TTC39C: variants seen among roughly 807,000 people sequenced by gnomAD.
The protein encoded by TTC39C is tetratricopeptide repeat protein 39C.
TTC39C carries 33 observed loss-of-function variants against 76.3 expected under a neutral mutation model. That is an observed-to-expected ratio of 0.43 (90% confidence interval 0.33 to 0.58). TTC39C has a LOEUF of 0.58. Ranked by LOEUF, TTC39C falls within the 20% of genes least tolerant of loss-of-function variation. TTC39C has a pLI of 0.04. For missense variants in TTC39C, 595 were observed against 701.4 expected (o/e 0.85, Z 1.71); for synonymous variants, 254 against 260.6 (o/e 0.97, Z 0.24).
intron 4 of TTC39C, among the ~76,000 whole-genome samples, chr18:24,070,941 T>G (rs2084232164): frequency 6.6e-6 from 1 of 152,152 alleles, no homozygotes; most frequent in African/African-American, 2.4e-5. Context: ...TTGTTTTTTG[T>G]TTTTTGAAAT....
At chr18:24,067,617 A>C (rs770928082) in intron 3 of TTC39C, among the ~76,000 whole-genome samples, 6 of 152,168 alleles carry the variant, frequency 3.9e-5, no homozygotes, top group Non-Finnish European at 8.8e-5. Flanking sequence ...CTAACGCCTG[A>C]TGACGTGAGG....
intron 4 of TTC39C, 62 bp downstream of exon 4, chr18:24,069,333 T>G (rs1276531808): frequency 1.4e-6 from 2 of 1,383,088 alleles, no homozygotes; most frequent in Admixed American, 3.5e-5. Context: ...AGTAATATGC[T>G]TTTTTAAGAA....
chr18:24,080,738 A>G lies in TTC39C; in HGVS notation c.614A>G (p.Glu205Gly). The G allele has an allele frequency of 3.1e-6, 5 of 1,614,134 alleles. No individual in the cohort carries two copies. The South Asian group carries it at 5.5e-5, about 18-fold the overall frequency. Reference protein sequence around the residue: ...DAANDNHIVAEGVSEESLNRL... With the variant: ...DAANDNHIVAGGVSEESLNRL... ...GCAAATGATAATCACATTGTGGCTG[A>G]AGGGGTGTCTGAGGAGTCTCTGAAC... Residue 205 changes from glutamate (E) to glycine (G), a missense_variant, in exon 5 of 14, where the codon GAA (glutamate) becomes GGA (glycine). Physicochemically the swap from Glu to Gly is moderately conservative, Grantham distance 98 (BLOSUM62 -2). Transcript: ENST00000317571.
chr18:24,126,463 G>A lies in TTC39C; in HGVS notation c.1420+913G>A, dbSNP rs542353654. ...AAAAAAAAAAAGGCCTTCCTCAAAT[G>A]TGAAAACAAAACATTGCCAATTGCC... On this transcript the variant is annotated intron_variant, in intron 10 of 13. Transcript: ENST00000317571. 3.7e-5 allele frequency among the ~76,000 whole-genome samples: 5 copies of A among 134,060 alleles called. No homozygotes were observed. In the South Asian group the frequency reaches 1.0e-3, roughly 27 times the overall value. The allele number at this position is 134,060 out of a possible 152,430, so 87.9% of individuals were successfully genotyped here.
chr18:24,046,667 A>G lies in TTC39C; in HGVS notation c.168-17473A>G, dbSNP rs539376647. On this transcript the variant is annotated intron_variant, in intron 1 of 13. Coordinates refer to ENST00000317571, the MANE Select transcript of TTC39C (RefSeq NM_001135993.2). Reference sequence around the variant, plus strand: ...AGTTATTCTTGTTTCTCAATACTGCATATCATACTACTATGAATGTTTTTG... The same window carrying G: ...AGTTATTCTTGTTTCTCAATACTGCGTATCATACTACTATGAATGTTTTTG... Among the ~76,000 whole-genome samples, 7 of 152,012 alleles carry G rather than the reference A, an allele frequency of 4.6e-5. No homozygotes were observed. The South Asian group carries it at 1.2e-3, about 27-fold the overall frequency.
chr18:24,079,055 C>T (rs2084342877), intron 4 of TTC39C, among the ~76,000 whole-genome samples: 1 of 152,102 alleles, frequency 6.6e-6, no homozygotes, highest in South Asian at 2.1e-4. Context: ...TTTAAAAATG[C>T]CGTTCTGAAA....
intron 1 of TTC39C, among the ~76,000 whole-genome samples, chr18:24,023,075 G>A (rs957341038): frequency 1.5e-4 from 23 of 152,248 alleles, no homozygotes; most frequent in African/African-American, 5.5e-4. Flanking sequence ...GAGTTATGTG[G>A]GGTCCAAGTT....
At chr18:24,081,002 T>G in intron 5 of TTC39C, 63 bp downstream of exon 5, 1 of 1,428,900 alleles carries the variant, frequency 7.0e-7, no homozygotes, top group Admixed American at 2.5e-5. Flanking sequence ...TAAACGACAA[T>G]CAAAGACTTT....
rs2085145288 is a variant in TTC39C, at chr18:24,132,574, A to G, written c.1752A>G (p.Ter584TrpextTer17). The G allele has an allele frequency of 7.4e-6, 12 of 1,612,684 alleles. No homozygotes were observed. The highest frequency in any genetic ancestry group is 9.3e-6 in the Non-Finnish European group (11 of 1,179,468). ...LASLRELVPQ[*>W] is the part of the protein sequence containing the mutation. ...CTCTGAGGGAATTGGTTCCTCAGTG[A>G]CAGACCCGGAACACCCGCTCCGTCC... Residue 584 changes from the stop codon to tryptophan, a stop_lost, in exon 14 of 14, where the codon TGA (stop) becomes TGG (tryptophan). Transcript: ENST00000317571.
intron 6 of TTC39C, among the ~76,000 whole-genome samples, chr18:24,108,692 T>G (rs977106431): frequency 3.3e-5 from 5 of 152,214 alleles, no homozygotes; most frequent in African/African-American, 1.2e-4. Context: ...GTGGAAAATG[T>G]CACCTGTAGT....
rs8085685 is a variant in TTC39C at position 24,046,577 on chromosome 18, C to T, written c.168-17563C>T. On this transcript the variant is annotated intron_variant, in intron 1 of 13. Coordinates refer to ENST00000317571, the MANE Select transcript of TTC39C (RefSeq NM_001135993.2). ...TTACCTTAGTTATGACTTTTTGTTA[C>T]AAAATAATATTTTGCTAGGTGAATA... 6.0e-3 allele frequency among the ~76,000 whole-genome samples: 918 copies of T among 151,904 alleles called. 25 individuals carry two copies. Among genetic ancestry groups the T allele is most frequent in the African/African-American group, 0.02 (841 of 41,216 alleles).
At chr18:24,019,759 G>A in intron 1 of TTC39C, 2 of 882,756 alleles carry the variant, frequency 2.3e-6, no homozygotes, top group East Asian at 2.9e-5. Context: ...TTGGTTATGT[G>A]TGGTCTGTGG....
chr18:24,035,253 G>A (rs1027605132), intron 1 of TTC39C, among the ~76,000 whole-genome samples: 8 of 152,084 alleles, frequency 5.3e-5, no homozygotes, highest in Non-Finnish European at 1.0e-4. Flanking sequence ...GTCTGGGCTG[G>A]CCTCTAACTG....
intron 1 of TTC39C, chr18:24,000,415 A>T (rs935415273): frequency 6.6e-6 from 1 of 152,288 alleles, no homozygotes; most frequent in African/African-American, 2.4e-5. Context: ...CCTGGAACAG[A>T]TCCTTCACTT....
Position 24,131,835 on chromosome 18 carries a change from C to T in TTC39C, c.1624-47C>T, listed in dbSNP as rs757298925. ...CTCCTATTATACCATTTTCTGCCTG[C>T]GTATATATAAACACAGATTTTATGG... On this transcript the variant is annotated intron_variant, in intron 12 of 13. Transcript: ENST00000317571. 5 of 1,552,914 alleles carry T rather than the reference C, an allele frequency of 3.2e-6. No individual in the cohort carries two copies. In the South Asian group the frequency reaches 3.5e-5, roughly 11 times the overall value.
intron 1 of TTC39C, among the ~76,000 whole-genome samples, chr18:24,044,941 T>C (rs1250977215): frequency 6.6e-6 from 1 of 151,966 alleles, no homozygotes; most frequent in Non-Finnish European, 1.5e-5. Flanking sequence ...TTGGAGACCA[T>C]TGGCATCAGC....
intron 1 of TTC39C, among the ~76,000 whole-genome samples, chr18:24,044,987 G>T (rs1000009355): frequency 6.6e-6 from 1 of 152,016 alleles, no homozygotes; most frequent in African/African-American, 2.4e-5. Flanking sequence ...AGAGTCTCCG[G>T]GCCAGGTGCG....
At position 24,066,118 on chromosome 18, in the gene TTC39C, T is replaced by C; in HGVS notation, c.323T>C (p.Ile108Thr). Reference sequence around the variant, plus strand: ...GAAGAGGCTGGAGTAATTGAAACAATCAAGAATAAAATTAAGAAGAACGTA... The same window carrying C: ...GAAGAGGCTGGAGTAATTGAAACAACCAAGAATAAAATTAAGAAGAACGTA... ...ESEEAGVIET[I>T]KNKIKKNVDV... The change falls in exon 3 of 14, where the codon ATC becomes ACC. Residue 108 changes from isoleucine (I) to threonine (T), a missense_variant. Transcript: ENST00000317571. 1 of 1,597,762 alleles carries C rather than the reference T, an allele frequency of 6.3e-7. No individual in the cohort carries two copies. The highest frequency in any genetic ancestry group is 8.5e-7 in the Non-Finnish European group (1 of 1,176,224).
chr18:23,999,410 C>T (rs56210453), intron 1 of TTC39C, among the ~76,000 whole-genome samples: 5,936 of 152,228 alleles, frequency 0.039, 362 homozygotes, highest in African/African-American at 0.13. Flanking sequence ...CACCACACTT[C>T]GAAATCGTCA....
Sources: gnomAD v4.1 joint callset for allele counts (sites outside exome capture counted in the v4.1 genomes callset) on GRCh38, gnomAD v4.1.1 for gene constraint, MANE v1.5 for transcripts, NCBI Gene and HGNC (gene_info 2026-07-23, HGNC 2026-07-21) for gene names.